Variants in WWTR1 observed in about 807,000 individuals in gnomAD.
WWTR1 encodes the protein WW domain-containing transcription regulator protein 1.
Under a neutral mutation model 40.1 loss-of-function variants are expected in WWTR1, and 13 were observed. The ratio of observed to expected loss-of-function variants is 0.32; its 90% CI spans 0.21 to 0.52. The LOEUF is 0.52. WWTR1 is among the 20% of genes least tolerant of loss of function. The pLI, the probability that WWTR1 is intolerant of heterozygous loss-of-function variation, is 0.97. For missense variants in WWTR1, 436 were observed against 523.1 expected (o/e 0.83, Z 1.63); for synonymous variants, 230 against 210.1 (o/e 1.09, Z -0.82).
intron 1 of WWTR1, 153 bp from the exon 2 acceptor site, chr3:149,657,462 C>CAGCG (rs1383004285): frequency 1.1e-5 from 10 of 895,062 alleles, no homozygotes; most frequent in Non-Finnish European, 1.6e-5. Context: ...CCCAGACACT[C>CAGCG]AGCGGTAAGA....
At chr3:149,693,052 G>T (rs1176579533) in intron 1 of WWTR1, among the ~76,000 whole-genome samples, 1 of 152,156 alleles carries the variant, frequency 6.6e-6, no homozygotes, top group Non-Finnish European at 1.5e-5. Flanking sequence ...ATCCTTGTTT[G>T]CAGATGATAT....
intron 3 of WWTR1, among the ~76,000 whole-genome samples, chr3:149,545,700 T>A (rs1371267274): frequency 6.6e-6 from 1 of 152,220 alleles, no homozygotes; most frequent in Non-Finnish European, 1.5e-5. Context: ...TTTTGTATTT[T>A]TAGTAGAGAC....
At chr3:149,693,000 A>G (rs1714872989) in intron 1 of WWTR1, among the ~76,000 whole-genome samples, 1 of 152,200 alleles carries the variant, frequency 6.6e-6, no homozygotes, top group Admixed American at 6.5e-5. Context: ...TAAAAGAGAA[A>G]AACATAAAGG....
intron 1 of WWTR1, chr3:149,702,718 A>T (rs1314492728): frequency 3.3e-5 from 5 of 152,128 alleles, no homozygotes; most frequent in Non-Finnish European, 7.4e-5. Flanking sequence ...CCATCTATGA[A>T]ATAACAAGTA....
At chr3:149,647,561 CA>C (rs1423474263) in intron 2 of WWTR1, among the ~76,000 whole-genome samples, 1 of 152,174 alleles carries the variant, frequency 6.6e-6, no homozygotes, top group Non-Finnish European at 1.5e-5. Flanking sequence ...TATTCATTTA[CA>C]AGCAGAAATG....
chr3:149,651,829 CT>C (rs764013293), intron 2 of WWTR1, among the ~76,000 whole-genome samples: 103 of 117,998 alleles, frequency 8.7e-4, no homozygotes, highest in Admixed American at 1.3e-3. Context: ...TATGGATTTT[CT>C]TTTTTTTTTT....
At position 149,535,472 on chromosome 3, in the gene WWTR1, G is replaced by A. The variant is rs980794974; in HGVS notation, c.771+6863C>T. Among the ~76,000 whole-genome samples, 13 of 152,146 alleles carry A rather than the reference G, an allele frequency of 8.5e-5. 1 individual carries two copies. The highest frequency in any genetic ancestry group is 5.9e-4 in the Admixed American group (9 of 15,288). On this transcript the variant is annotated intron_variant, in intron 4 of 6. Transcript: ENST00000360632. ...CACACTTCCCGGAGACTGCCTTTTT[G>A]AAACAACTCATCACTAATGCTCAGC...
chr3:149,538,683 A>G (rs991394180), intron 4 of WWTR1, among the ~76,000 whole-genome samples: 2 of 152,206 alleles, frequency 1.3e-5, no homozygotes, highest in Admixed American at 1.3e-4. Flanking sequence ...CTGAGGGGTC[A>G]CTGGAAAGAA....
chr3:149,655,976 C>T (rs556970796), intron 2 of WWTR1, among the ~76,000 whole-genome samples: 23 of 152,316 alleles, frequency 1.5e-4, no homozygotes, highest in African/African-American at 5.3e-4. Flanking sequence ...AGTGGTTAGG[C>T]TGGCACAACC....
intron 5 of WWTR1, among the ~76,000 whole-genome samples, chr3:149,710,746 A>G (rs1715460395): frequency 6.6e-6 from 1 of 151,676 alleles, no homozygotes; most frequent in African/African-American, 2.4e-5. Context: ...GGCCTGGCTA[A>G]TTTTTGAAAT....
intron 1 of WWTR1, among the ~76,000 whole-genome samples, chr3:149,699,859 C>T (rs374366309): frequency 2.0e-5 from 3 of 152,342 alleles, no homozygotes. Flanking sequence ...CTTCCAACCT[C>T]TGCCTGTGAC....
chr3:149,709,472 G>A (rs531108897), intron 5 of WWTR1, among the ~76,000 whole-genome samples: 19 of 152,086 alleles, frequency 1.2e-4, no homozygotes, highest in Non-Finnish European at 1.9e-4. Flanking sequence ...GTTGTTTTGT[G>A]GTTGCTGTTA....
chr3:149,668,995 G>A (rs764019420), intron 2 of WWTR1, among the ~76,000 whole-genome samples: 2 of 152,146 alleles, frequency 1.3e-5, no homozygotes, highest in Non-Finnish European at 2.9e-5. Flanking sequence ...TAACTTTACA[G>A]CCTCCAACAC....
chr3:149,669,304 G>T (rs971851481), intron 2 of WWTR1, among the ~76,000 whole-genome samples: 6 of 152,140 alleles, frequency 3.9e-5, no homozygotes, highest in African/African-American at 1.4e-4. Context: ...AATCCCAAAT[G>T]AGTTCCTGCA....
intron 2 of WWTR1, among the ~76,000 whole-genome samples, chr3:149,641,308 C>T (rs1712155783): frequency 6.6e-6 from 1 of 152,114 alleles, no homozygotes; most frequent in Non-Finnish European, 1.5e-5. Flanking sequence ...AGACTCCATA[C>T]GATATGTACC....
chr3:149,576,118 G>C, intron 2 of WWTR1: 1 of 456,686 alleles, frequency 2.2e-6, no homozygotes. Flanking sequence ...TGAGAAGAAA[G>C]CCCAAATTCC....
At chr3:149,555,231 T>C (rs7340662) in intron 3 of WWTR1, among the ~76,000 whole-genome samples, 39 of 152,360 alleles carry the variant, frequency 2.6e-4, no homozygotes, top group African/African-American at 8.9e-4. Context: ...GCATGTGTTT[T>C]TTAATAGCAT....
intron 3 of WWTR1, among the ~76,000 whole-genome samples, chr3:149,568,829 C>G (rs906677171): frequency 6.6e-6 from 1 of 152,160 alleles, no homozygotes; most frequent in Non-Finnish European, 1.5e-5. Context: ...TGCAGTGGCG[C>G]AATCTCGGCT....
chr3:149,545,219 G>T (rs1408525429), intron 3 of WWTR1, among the ~76,000 whole-genome samples: 2 of 152,090 alleles, frequency 1.3e-5, no homozygotes, highest in East Asian at 3.9e-4. Context: ...GGTGTCGCAG[G>T]GGAAAAGTTC....
Sources: gnomAD v4.1 joint callset for allele counts (sites outside exome capture counted in the v4.1 genomes callset) on GRCh38, gnomAD v4.1.1 for gene constraint, MANE v1.5 for transcripts, NCBI Gene and HGNC (gene_info 2026-07-23, HGNC 2026-07-21) for gene names.